The following PLK3 variants were observed in gnomAD, a reference collection of about 807,000 sequenced individuals.
PLK3 encodes the protein polo like kinase 3.
PLK3 carries 41 observed loss-of-function variants against 71.6 expected under a neutral mutation model. The ratio of observed to expected loss-of-function variants is 0.57; its 90% CI spans 0.45 to 0.74. The LOEUF is 0.74. Ranked by LOEUF, PLK3 falls within the 30% of genes least tolerant of loss-of-function variation. The probability of loss-of-function intolerance (pLI) is 0.00; values close to 1 mark genes in which losing one functional copy is unlikely to be tolerated. For synonymous variants in PLK3, 366 were observed against 355.4 expected (o/e 1.03, Z -0.33); for missense variants, 791 against 875.6 (o/e 0.90, Z 1.22).
Position 44,805,787 on chromosome 1 carries a change from C to T in PLK3, c.*109C>T. On this transcript the variant is annotated 3_prime_UTR_variant, in exon 15 of 15. Coordinates refer to ENST00000372201, the MANE Select transcript of PLK3 (RefSeq NM_004073.4). Reference sequence around the variant, plus strand: ...ACTGGGGGCTTTGGGCCGAATCCCCCAGGGAATCAGGGACCAGCTTTACTG... The same window carrying T: ...ACTGGGGGCTTTGGGCCGAATCCCCTAGGGAATCAGGGACCAGCTTTACTG... 1.5e-6 allele frequency: 2 copies of T among 1,323,180 alleles called. No individual in the cohort carries two copies. Among genetic ancestry groups the T allele is most frequent in the East Asian group, 2.5e-5 (1 of 40,004 alleles). The allele number at this position is 1,323,180 out of a possible 1,614,324, so 82.0% of individuals were successfully genotyped here.
Position 44,805,514 on chromosome 1 carries a change from C to T in PLK3, c.1777C>T (p.Leu593=), listed in dbSNP as rs770838264. The part of the protein sequence containing the change: ...QVNFYGDHTK[L]ILSGWEPLLV... ...GAACTTCTACGGGGACCACACCAAG[C>T]TGATTCTCAGTGGCTGGGAGCCCCT... Residue 593 remains leucine (L), a synonymous_variant, in exon 15 of 15, where the codon CTG becomes TTG. Transcript: ENST00000372201. 6.2e-7 allele frequency: 1 copy of T among 1,614,204 alleles called. No individual in the cohort carries two copies. The highest frequency in any genetic ancestry group is 8.5e-7 in the Non-Finnish European group (1 of 1,180,014).
chr1:44,803,237 T>C lies in PLK3; in HGVS notation c.949-31T>C. The C allele has an allele frequency of 6.2e-7, 1 of 1,612,926 alleles. No homozygotes were observed. Among genetic ancestry groups the C allele is most frequent in the South Asian group, 1.1e-5 (1 of 91,058 alleles). ...CAGGTGACAGGACCCCTGGAGCCTC[T>C]CTTCTCTGTTCACATGGTTCCCCTC... On this transcript the variant is annotated intron_variant, in intron 7 of 14. Coordinates refer to ENST00000372201, the MANE Select transcript of PLK3 (RefSeq NM_004073.4). The surrounding 1 kb of genome is among the most constrained non-coding windows in gnomAD (Gnocchi z 4.3).
intron 13 of PLK3, 107 bp from the exon 14 acceptor site, chr1:44,805,159 C>T (rs1651982580): frequency 1.3e-6 from 1 of 761,654 alleles, no homozygotes; most frequent in Non-Finnish European, 2.4e-6. Flanking sequence ...CTCTGATTCC[C>T]CCTTGGTGGT....
intron 10 of PLK3, 46 bp downstream of exon 10, chr1:44,804,070 G>C (rs536063016): frequency 6.5e-7 from 1 of 1,546,078 alleles, no homozygotes. Context: ...TGCTGGAGCT[G>C]AGATCAGGGG....
rs1486824314 is a variant in PLK3 at position 44,803,527 on chromosome 1, T to A, written c.1073-73T>A. The A allele has an allele frequency of 6.4e-7, 1 of 1,571,738 alleles. No homozygotes were observed. Among genetic ancestry groups the A allele is most frequent in the Non-Finnish European group, 8.7e-7 (1 of 1,143,824 alleles). ...CAGTACAGGCACTTGGGGAGGCCAA[T>A]CTCTGTGTCATCCCTGTCGGAAGTG... On this transcript the variant is annotated intron_variant, in intron 8 of 14. Transcript: ENST00000372201. This position sits in a 1 kb window ranked among gnomAD's most constrained non-coding sequence, Gnocchi z 4.3.
rs1192803962 is a variant in PLK3 at position 44,803,622 on chromosome 1, G to C, written c.1095G>C (p.Arg365Ser). The C allele has an allele frequency of 1.2e-6, 2 of 1,613,914 alleles. No homozygotes were observed. The highest frequency in any genetic ancestry group is 2.7e-5 in the African/African-American group (2 of 74,902). The change falls in exon 9 of 15, where the codon AGG becomes AGC. Residue 365 changes from arginine to serine, a missense_variant. Physicochemically the swap from Arg to Ser is moderately radical, Grantham distance 110 (BLOSUM62 -1). Coordinates refer to ENST00000372201, the MANE Select transcript of PLK3 (RefSeq NM_004073.4). This position sits in a 1 kb window ranked among gnomAD's most constrained non-coding sequence, Gnocchi z 4.3. ...KKKSKNHAQE[R>S]DEVSGLVSGL... ...CAGGTAAGAATCATGCCCAGGAGAG[G>C]GATGAGGTCTCCGGTTTGGTGAGCG...
At chr1:44,805,424 G>C (rs1196999748) in intron 14 of PLK3, 45 bp downstream of exon 14, 2 of 1,603,152 alleles carry the variant, frequency 1.2e-6, no homozygotes. Context: ...GGAGGCCCAG[G>C]GTGCTGGGGA....
At position 44,803,422 on chromosome 1, in the gene PLK3, G is replaced by T. The variant is rs774992582; in HGVS notation, c.1072+31G>T. On this transcript the variant is annotated intron_variant, in intron 8 of 14. Transcript: ENST00000372201. The surrounding 1 kb of genome is among the most constrained non-coding windows in gnomAD (Gnocchi z 4.3). ...TCTGGGGTGTCAGTGGGTTGAGGGG[G>T]CAGAGCAGTAGAGCGGCTTGTCACA... 7 of 1,613,468 alleles carry T rather than the reference G, an allele frequency of 4.3e-6. No individual in the cohort carries two copies. The highest frequency in any genetic ancestry group is 1.1e-5 in the South Asian group (1 of 91,048).
At position 44,805,715 on chromosome 1, in the gene PLK3, G is replaced by C; in HGVS notation, c.*37G>C. The C allele has an allele frequency of 6.3e-7, 1 of 1,592,468 alleles. No individual in the cohort carries two copies. The highest frequency in any genetic ancestry group is 1.1e-5 in the South Asian group (1 of 90,662). On this transcript the variant is annotated 3_prime_UTR_variant, in exon 15 of 15. Coordinates refer to ENST00000372201, the MANE Select transcript of PLK3 (RefSeq NM_004073.4). Reference sequence around the variant, plus strand: ...TGAGGCCTGAGGCCTGTGCCTGTCAGGCTCTGGCCCTTGCCTTTGTGGCCT... The same window carrying C: ...TGAGGCCTGAGGCCTGTGCCTGTCACGCTCTGGCCCTTGCCTTTGTGGCCT...
chr1:44,803,480 A>C lies in PLK3; in HGVS notation c.1072+89A>C. The C allele has an allele frequency of 6.3e-7, 1 of 1,597,298 alleles. No individual in the cohort carries two copies. Among genetic ancestry groups the C allele is most frequent in the Non-Finnish European group, 8.6e-7 (1 of 1,167,344 alleles). ...TGGGTGTGTGAGTGTGGGTGCCTGG[A>C]AACTCCTGGGGAGAGCATGTGCAGT... is the stretch of plus-strand genomic sequence containing the variant. On this transcript the variant is annotated intron_variant, in intron 8 of 14. Transcript: ENST00000372201. The surrounding 1 kb of genome is among the most constrained non-coding windows in gnomAD (Gnocchi z 4.3).
rs569648619 is a variant in PLK3 at position 44,804,380 on chromosome 1, G to C, written c.1384G>C (p.Val462Leu). ...PAPLAQPEPL[V>L]WVSKWVDYSN... is the part of the protein sequence containing the mutation. ...CCCCCTGGCCCAGCCAGAGCCTCTG[G>C]TGTGGGTCAGCAAGTGGGTTGACTA... Residue 462 changes from valine to leucine, a missense_variant, in exon 12 of 15, where the codon GTG (valine) becomes CTG (leucine). Coordinates refer to ENST00000372201, the MANE Select transcript of PLK3 (RefSeq NM_004073.4). 6.2e-7 allele frequency: 1 copy of C among 1,614,204 alleles called. No individual in the cohort carries two copies. Among genetic ancestry groups the C allele is most frequent in the African/African-American group, 1.3e-5 (1 of 75,054 alleles).
Position 44,804,654 on chromosome 1 carries a change from G to A in PLK3, c.1510G>A (p.Val504Met). The change falls in exon 13 of 15, where the codon GTG becomes ATG. Residue 504 changes from valine to methionine, a missense_variant. Val to Met is a conservative substitution (Grantham distance 21). Coordinates refer to ENST00000372201, the MANE Select transcript of PLK3 (RefSeq NM_004073.4). ...ACCTCTGCCTCCCCATTCTAGGACTGTGCACTACAATCCCACCAGCACAAA... is the reference window on the plus strand; with the variant it reads ...ACCTCTGCCTCCCCATTCTAGGACTATGCACTACAATCCCACCAGCACAAA... Reference protein sequence around the residue: ...HMALSANRKTVHYNPTSTKHF... With the variant: ...HMALSANRKTMHYNPTSTKHF... 1 of 1,613,872 alleles carries A rather than the reference G, an allele frequency of 6.2e-7. No individual in the cohort carries two copies.
At chr1:44,805,022 C>T (rs372330984) in intron 13 of PLK3, 101 of 575,360 alleles carry the variant, frequency 1.8e-4, no homozygotes, top group East Asian at 8.6e-4. Context: ...GGAGAATGGG[C>T]GAACCCAGGA....
At chr1:44,802,692 G>T in intron 5 of PLK3, 68 bp from the exon 6 acceptor site, 2 of 1,055,166 alleles carry the variant, frequency 1.9e-6, no homozygotes, top group Non-Finnish European at 3.0e-6. Context: ...GACTAACAGT[G>T]GGGGAAGGAG....
At chr1:44,805,153 G>C in intron 13 of PLK3, 113 bp from the exon 14 acceptor site, 2 of 740,120 alleles carry the variant, frequency 2.7e-6, no homozygotes, top group South Asian at 1.5e-5. Flanking sequence ...TGATCCCTCT[G>C]ATTCCCCCTT....
chr1:44,803,917 G>A lies in PLK3; in HGVS notation c.1165-14G>A, dbSNP rs1557623514. The A allele has an allele frequency of 1.9e-6, 3 of 1,541,250 alleles. No homozygotes were observed. Among genetic ancestry groups the A allele is most frequent in the Admixed American group, 2.0e-5 (1 of 50,978 alleles). On this transcript the variant is annotated splice_polypyrimidine_tract_variant and intron_variant, in intron 9 of 14. Transcript: ENST00000372201. This position sits in a 1 kb window ranked among gnomAD's most constrained non-coding sequence, Gnocchi z 4.3. ...GGGGCCTGTGTCACTCCCTTTCCCT[G>A]CCCAACCCTCCAGGCTCCAGCAGCT...
In PLK3 at chr1:44,800,443, G is replaced by T; in HGVS notation, c.-21G>T. 7.5e-7 allele frequency: 1 copy of T among 1,338,860 alleles called. No homozygotes were observed. The highest frequency in any genetic ancestry group is 1.8e-5 in the South Asian group (1 of 54,418). 82.9% of individuals were successfully genotyped at this position (1,338,860 alleles called of 1,614,324 possible). On this transcript the variant is annotated 5_prime_UTR_variant, in exon 1 of 15. Transcript: ENST00000372201. The surrounding 1 kb of genome is among the most constrained non-coding windows in gnomAD (Gnocchi z 6.5). ...CGGGCGGAACCGAGAAGCCGGGACC[G>T]CGCTGCGACGCGCCGGCCGCATGGA...
chr1:44,803,333 C>A lies in PLK3; in HGVS notation c.1014C>A (p.Asn338Lys). 1 of 1,614,152 alleles carries A rather than the reference C, an allele frequency of 6.2e-7. No individual in the cohort carries two copies. The highest frequency in any genetic ancestry group is 8.5e-7 in the Non-Finnish European group (1 of 1,180,014). The stretch of plus-strand genomic sequence containing the variant: ...CAGTCCCAGACCTGACACCCCCCAA[C>A]CCAGCTAGGAGTCTGTTTGCCAAAG... ...CVTVPDLTPP[N>K]PARSLFAKVT... The change falls in exon 8 of 15, where the codon AAC becomes AAA. Residue 338 changes from asparagine to lysine, a missense_variant. Physicochemically the swap from Asn to Lys is moderately conservative, Grantham distance 94. Transcript: ENST00000372201. The surrounding 1 kb of genome is among the most constrained non-coding windows in gnomAD (Gnocchi z 4.3).
At chr1:44,801,203 C>CTTTTTT (rs34463102) in intron 3 of PLK3, 51 bp downstream of exon 3, 76 of 345,196 alleles carry the variant, frequency 2.2e-4, no homozygotes, top group Non-Finnish European at 2.4e-4. Flanking sequence ...AGAAGACAGT[C>CTTTTTT]TTTTTTTTTT....
Sources: gnomAD v4.1 joint callset for allele counts on GRCh38, gnomAD v4.1.1 for gene constraint, Gnocchi (gnomAD v3.1) non-coding constraint, MANE v1.5 for transcripts, NCBI Gene and HGNC (gene_info 2026-07-23, HGNC 2026-07-21) for gene names.